The following SSPN variants were observed in gnomAD, a reference collection of about 807,000 sequenced individuals.
SSPN encodes sarcospan, also known as K-ras oncogene-associated protein.
A neutral mutation model predicts 19.1 loss-of-function variants in SSPN; 15 were observed. The ratio of observed to expected loss-of-function variants is 0.78; its 90% confidence interval spans 0.52 to 1.21. The LOEUF is 1.21. Among genes scored for constraint, SSPN ranks in the 50% most tolerant of loss-of-function variants. SSPN has a pLI of 0.00. For missense variants in SSPN, 291 were observed against 314.0 expected, an observed-to-expected ratio of 0.93 and a Z score of 0.55; for synonymous variants, 147 against 140.3, an observed-to-expected ratio of 1.05 and a Z score of -0.34.
chr12:26,200,249 A>C (rs1944865972), intron 1 of SSPN, among the ~76,000 whole-genome samples: 1 of 152,228 alleles, frequency 6.6e-6, no homozygotes, highest in African/African-American at 2.4e-5. Context: ...CTTAAAAGAA[A>C]GGGAAGAATA....
intron 1 of SSPN, among the ~76,000 whole-genome samples, chr12:26,198,440 C>A (rs903431747): frequency 6.6e-6 from 1 of 152,176 alleles, no homozygotes; most frequent in African/African-American, 2.4e-5. Flanking sequence ...GATAATAATT[C>A]CTACCTTTTC....
chr12:26,144,413 G>A (rs1345252361), intron 1 of SSPN, among the ~76,000 whole-genome samples: 3 of 152,198 alleles, frequency 2.0e-5, no homozygotes, highest in Non-Finnish European at 4.4e-5. Context: ...GTTTTAAGAT[G>A]TCTTATGTTA....
rs1382442278 is a variant in SSPN, at chr12:26,122,302, C to A, written c.-31+150C>A. The A allele has an allele frequency of 2.6e-6, 3 of 1,162,886 alleles. 1 individual carries two copies. The highest frequency in any genetic ancestry group is 3.3e-5 in the African/African-American group (2 of 60,528). The allele number at this position is 1,162,886 out of a possible 1,614,324, so 72.0% of individuals were successfully genotyped here. The stretch of plus-strand genomic sequence containing the variant: ...GGGAACGCGGCGGCGGCGGCGGCAG[C>A]GGCGGCGGCGGCTGCCGCGGCTGCC... On this transcript the variant is annotated intron_variant, in intron 1 of 2. Transcript: ENST00000538142.
intron 1 of SSPN, chr12:26,122,439 G>C: frequency 7.4e-7 from 1 of 1,356,004 alleles, no homozygotes; most frequent in East Asian, 3.3e-5. Flanking sequence ...GTAGGCGGCA[G>C]CTGCAGAAGG....
At chr12:26,197,844 A>G (rs1944843682) in intron 1 of SSPN, among the ~76,000 whole-genome samples, 2 of 152,026 alleles carry the variant, frequency 1.3e-5, no homozygotes, top group Non-Finnish European at 2.9e-5. Flanking sequence ...GTCATCTTAG[A>G]TTTTCTTTCA....
intron 1 of SSPN, chr12:26,126,655 C>G (rs1410121200): frequency 2.0e-5 from 3 of 152,262 alleles, no homozygotes; most frequent in South Asian, 2.1e-4. Context: ...CCGCGGCGGC[C>G]GCTCGCGCTG....
rs184941011 is a variant in SSPN at position 26,163,262 on chromosome 12, G to A, written c.-31+41110G>A. 5.0e-3 allele frequency among the ~76,000 whole-genome samples: 758 copies of A among 152,218 alleles called. 6 individuals carry two copies. Among genetic ancestry groups the A allele is most frequent in the Middle Eastern group, 0.02 (6 of 294 alleles). ...TAAGACACAATGTTTTTCTTAAGAA[G>A]GCAATTAATACCTTCTCTATAATAA... On this transcript the variant is annotated intron_variant, in intron 1 of 2. Transcript: ENST00000538142.
At chr12:26,160,571 T>C (rs976798171) in intron 1 of SSPN, among the ~76,000 whole-genome samples, 2 of 152,230 alleles carry the variant, frequency 1.3e-5, no homozygotes, top group South Asian at 2.1e-4. Flanking sequence ...ATAAACAATA[T>C]CAATATACGT....
chr12:26,194,724 C>T (rs776879631), upstream of SSPN, among the ~76,000 whole-genome samples: 1 of 152,186 alleles, frequency 6.6e-6, no homozygotes, highest in Non-Finnish European at 1.5e-5. Flanking sequence ...TGGTGGCTCA[C>T]GCCTGTAATT....
At position 26,195,605 on chromosome 12, in the gene SSPN, C is replaced by G; in HGVS notation, c.-68C>G. The G allele has an allele frequency of 7.4e-7, 1 of 1,343,134 alleles. No individual in the cohort carries two copies. The highest frequency in any genetic ancestry group is 9.5e-7 in the Non-Finnish European group (1 of 1,054,224). 83.2% of individuals were successfully genotyped at this position (1,343,134 alleles called of 1,614,324 possible). ...GAATACCAGGGCAGGCCGAGCCAGC[C>G]GTGCGCCGCGCTCCAGGGCCCAGGG... is the stretch of plus-strand genomic sequence containing the variant. On this transcript the variant is annotated 5_prime_UTR_variant, in exon 1 of 3. Transcript: ENST00000242729.
chr12:26,157,480 C>G (rs1311437203), intron 1 of SSPN, among the ~76,000 whole-genome samples: 1 of 152,090 alleles, frequency 6.6e-6, no homozygotes, highest in Non-Finnish European at 1.5e-5. Flanking sequence ...ATCCTCAGGC[C>G]TACAAAAATT....
At chr12:26,155,520 T>TA (rs1205291172) in intron 1 of SSPN, among the ~76,000 whole-genome samples, 1 of 152,168 alleles carries the variant, frequency 6.6e-6, no homozygotes, top group Admixed American at 6.6e-5. Flanking sequence ...TATTAACATT[T>TA]AAAAAAGAGT....
chr12:26,179,861 C>T (rs1944707470), intron 1 of SSPN: 2 of 149,058 alleles, frequency 1.3e-5, no homozygotes, highest in Admixed American at 1.3e-4. Context: ...TGATGATGCA[C>T]ATCACTTGGT....
chr12:26,179,252 T>A (rs1415069957), intron 1 of SSPN, among the ~76,000 whole-genome samples: 1 of 151,982 alleles, frequency 6.6e-6, no homozygotes, highest in African/African-American at 2.4e-5. Context: ...GCTTGAGGAA[T>A]GAAAGGATCC....
At chr12:26,186,941 C>T (rs1252741938) in intron 1 of SSPN, among the ~76,000 whole-genome samples, 2 of 152,202 alleles carry the variant, frequency 1.3e-5, no homozygotes, top group Admixed American at 1.3e-4. Flanking sequence ...TTTCTTCCCC[C>T]TTCCCCACTC....
chr12:26,193,170 A>C (rs1005205448), upstream of SSPN, among the ~76,000 whole-genome samples: 1 of 152,226 alleles, frequency 6.6e-6, no homozygotes, highest in Non-Finnish European at 1.5e-5. Flanking sequence ...TACCCATGAT[A>C]ATTAAATTGT....
At chr12:26,141,159 G>T (rs1041118272) in intron 1 of SSPN, among the ~76,000 whole-genome samples, 1 of 152,170 alleles carries the variant, frequency 6.6e-6, no homozygotes, top group Non-Finnish European at 1.5e-5. Context: ...GGATTATCCA[G>T]GTGGGAACAA....
At position 26,230,905 on chromosome 12, in the gene SSPN, C is replaced by A. The variant is rs778567653; in HGVS notation, c.561C>A (p.Val187=). 3.1e-6 allele frequency: 5 copies of A among 1,614,098 alleles called. No homozygotes were observed. The highest frequency in any genetic ancestry group is 1.7e-5 in the Admixed American group (1 of 60,014). Residue 187 remains valine, a synonymous_variant, in exon 3 of 3, where the codon GTC becomes GTA. Transcript: ENST00000242729. ...VYRDVTDCTS[V]TGTFKLFLLI... ...GGGATGTGACGGACTGTACCAGCGT[C>A]ACTGGCACTTTCAAACTGTTCTTAC...
At chr12:26,125,179 G>A in intron 1 of SSPN, 1 of 347,972 alleles carries the variant, frequency 2.9e-6, no homozygotes, top group South Asian at 2.5e-5. Context: ...GAGAGAAGGC[G>A]AACGGCAGGA....
Sources: gnomAD v4.1 joint callset for allele counts (sites outside exome capture counted in the v4.1 genomes callset) on GRCh38, gnomAD v4.1.1 for gene constraint, MANE v1.5 for transcripts, NCBI Gene and HGNC (gene_info 2026-07-23, HGNC 2026-07-21) for gene names.